BCAS3: variants seen among roughly 807,000 people sequenced by gnomAD.
The protein encoded by BCAS3 is BCAS4/BCAS3 fusion.
A neutral mutation model predicts 116.1 loss-of-function variants in BCAS3; 53 were observed. That is an observed-to-expected ratio of 0.46 (90% CI 0.37 to 0.57). The LOEUF is 0.57. Ranked by LOEUF, BCAS3 falls within the 20% of genes least tolerant of loss-of-function variation. The pLI is 0.00. For missense variants in BCAS3, 917 were observed against 1,165.4 expected, an observed-to-expected ratio of 0.79 and a Z score of 3.10; for synonymous variants, 391 against 408.2, an observed-to-expected ratio of 0.96 and a Z score of 0.51.
chr17:61,058,547 T>C (rs2069631860), intron 19 of BCAS3, among the ~76,000 whole-genome samples: 1 of 152,180 alleles, frequency 6.6e-6, no homozygotes, highest in East Asian at 1.9e-4. Flanking sequence ...CACCTTTAAA[T>C]ATGAAACCAA....
chr17:60,683,304 G>A (rs2033463064), intron 2 of BCAS3, among the ~76,000 whole-genome samples: 1 of 152,120 alleles, frequency 6.6e-6, no homozygotes, highest in Non-Finnish European at 1.5e-5. Flanking sequence ...TCTGACTCAA[G>A]AGGAAGGTCC....
At chr17:60,683,222 T>C (rs1386395369) in intron 2 of BCAS3, among the ~76,000 whole-genome samples, 1 of 152,158 alleles carries the variant, frequency 6.6e-6, no homozygotes, top group Non-Finnish European at 1.5e-5. Flanking sequence ...CATAACCAAT[T>C]TAAGGAGAAG....
At chr17:60,779,262 A>C (rs983394345) in intron 6 of BCAS3, among the ~76,000 whole-genome samples, 13 of 152,200 alleles carry the variant, frequency 8.5e-5, no homozygotes, top group Non-Finnish European at 1.0e-4. Context: ...AAAATTCCAC[A>C]CATAAATAAC....
At chr17:61,321,653 A>G (rs1191149056) in intron 22 of BCAS3, among the ~76,000 whole-genome samples, 1 of 152,102 alleles carries the variant, frequency 6.6e-6, no homozygotes, top group Non-Finnish European at 1.5e-5. Context: ...TTGGGTTGGC[A>G]TTTGGTCTTT....
chr17:61,182,921 A>C (rs1267904255), intron 22 of BCAS3, among the ~76,000 whole-genome samples: 1 of 152,176 alleles, frequency 6.6e-6, no homozygotes, highest in Non-Finnish European at 1.5e-5. Flanking sequence ...TTTGTGGGCT[A>C]TGTGCTGAAT....
rs558410181 is a variant in BCAS3 at position 61,065,746 on chromosome 17, A to G, written c.2030-9174A>G. On this transcript the variant is annotated intron_variant, in intron 19 of 23. Coordinates refer to ENST00000407086, the MANE Select transcript of BCAS3 (RefSeq NM_017679.5). This position sits in a 1 kb window ranked among gnomAD's most constrained non-coding sequence, Gnocchi z 4.8. The stretch of plus-strand genomic sequence containing the variant: ...AAACAAAAACTGTGTCTGGTCCTGA[A>G]TCTGAAGAATTCCACTGCCCATATA... Among the ~76,000 whole-genome samples, 1 of 152,310 alleles carries G rather than the reference A, an allele frequency of 6.6e-6. No individual in the cohort carries two copies. Among genetic ancestry groups the G allele is most frequent in the East Asian group, 1.9e-4 (1 of 5,184 alleles).
At chr17:61,175,091 G>C (rs773501596) in intron 22 of BCAS3, among the ~76,000 whole-genome samples, 4 of 152,176 alleles carry the variant, frequency 2.6e-5, no homozygotes, top group Non-Finnish European at 5.9e-5. Context: ...GCATCCTGAG[G>C]TCTCAGTGTG....
At chr17:61,334,503 T>G (rs2143151730) in intron 22 of BCAS3, among the ~76,000 whole-genome samples, 2 of 152,062 alleles carry the variant, frequency 1.3e-5, no homozygotes, top group Non-Finnish European at 2.9e-5. Flanking sequence ...TGGTCTCTAC[T>G]GAAAATACAA....
At chr17:60,726,186 C>T (rs1598322776) in intron 5 of BCAS3, among the ~76,000 whole-genome samples, 1 of 148,996 alleles carries the variant, frequency 6.7e-6, no homozygotes, top group Non-Finnish European at 1.5e-5. Context: ...TGAGCCACTG[C>T]TCCCGGCCAG....
intron 7 of BCAS3, among the ~76,000 whole-genome samples, chr17:60,835,159 C>A (rs1425633930): frequency 1.3e-5 from 2 of 151,850 alleles, no homozygotes; most frequent in African/African-American, 2.4e-5. Flanking sequence ...ATTCATATAT[C>A]TTCCAAAATT....
intron 7 of BCAS3, among the ~76,000 whole-genome samples, chr17:60,811,628 A>G (rs898171915): frequency 2.0e-5 from 3 of 152,376 alleles, no homozygotes; most frequent in Middle Eastern, 3.4e-3. Context: ...TAAATGAACT[A>G]TGTATAAAGA....
rs755525267 is a variant in BCAS3, at chr17:61,374,780, G to A, written c.2593+6286G>A. ...ATAACCCTTCACAAAACAATATTAC[G>A]GCCAGTGCATTCTAGTACTTCCTTT... On this transcript the variant is annotated intron_variant, in intron 23 of 23. Coordinates refer to ENST00000407086, the MANE Select transcript of BCAS3 (RefSeq NM_017679.5). Among the ~76,000 whole-genome samples the A allele has an allele frequency of 3.3e-5, 5 of 152,054 alleles. No homozygotes were observed. In the South Asian group the frequency reaches 8.3e-4, roughly 25 times the overall value.
intron 20 of BCAS3, among the ~76,000 whole-genome samples, chr17:61,075,679 C>T (rs2143464382): frequency 6.6e-6 from 1 of 152,160 alleles, no homozygotes; most frequent in Non-Finnish European, 1.5e-5. Context: ...TAAAAGTTGA[C>T]CTTGATGAAA....
At chr17:60,929,276 T>A (rs1005725463) in intron 13 of BCAS3, among the ~76,000 whole-genome samples, 1 of 152,020 alleles carries the variant, frequency 6.6e-6, no homozygotes, top group African/African-American at 2.4e-5. Flanking sequence ...TTTTAAAAAA[T>A]TACCTGGGCG....
intron 22 of BCAS3, among the ~76,000 whole-genome samples, chr17:61,340,850 G>A (rs777382318): frequency 6.6e-6 from 1 of 152,202 alleles, no homozygotes; most frequent in Non-Finnish European, 1.5e-5. Flanking sequence ...TTGGAATTGG[G>A]TTAGCAGAGG....
intron 22 of BCAS3, among the ~76,000 whole-genome samples, chr17:61,254,819 C>T (rs2048662952): frequency 7.0e-6 from 1 of 142,056 alleles, no homozygotes. Flanking sequence ...GCTTTAAATA[C>T]CCAGTGAGTA....
intron 6 of BCAS3, among the ~76,000 whole-genome samples, chr17:60,762,105 T>G (rs1335451836): frequency 6.6e-6 from 1 of 152,214 alleles, no homozygotes; most frequent in Non-Finnish European, 1.5e-5. Context: ...TTCTAGATAT[T>G]AGCCCTTTGT....
intron 22 of BCAS3, among the ~76,000 whole-genome samples, chr17:61,147,863 G>A (rs755418217): frequency 1.1e-4 from 16 of 152,076 alleles, no homozygotes; most frequent in South Asian, 2.1e-4. Flanking sequence ...GTGCATGCCT[G>A]TAATCCCAGC....
At chr17:61,046,854 A>G (rs1042239780) in intron 19 of BCAS3, among the ~76,000 whole-genome samples, 7 of 152,006 alleles carry the variant, frequency 4.6e-5, no homozygotes, top group Non-Finnish European at 8.8e-5. Context: ...TTATAATAAT[A>G]GTAGACAAAG....
Sources: gnomAD v4.1 joint callset for allele counts (sites outside exome capture counted in the v4.1 genomes callset) on GRCh38, gnomAD v4.1.1 for gene constraint, Gnocchi (gnomAD v3.1) non-coding constraint, MANE v1.5 for transcripts, NCBI Gene and HGNC (gene_info 2026-07-23, HGNC 2026-07-21) for gene names.